MYRIP: variants seen among roughly 807,000 people sequenced by gnomAD.
MYRIP encodes rab effector MyRIP.
Under a neutral mutation model 98.0 loss-of-function variants are expected in MYRIP, and 49 were observed. The observed-to-expected ratio is 0.50, with a 90% CI of 0.40 to 0.63. The LOEUF is 0.63. Among genes scored for constraint, MYRIP ranks in the 30% least tolerant of loss-of-function variants. MYRIP has a pLI of 0.00. For synonymous variants in MYRIP, 404 were observed against 409.5 expected, an observed-to-expected ratio of 0.99 and a Z score of 0.16; for missense variants, 1,004 against 1,058.2, an observed-to-expected ratio of 0.95 and a Z score of 0.71.
intron 1 of MYRIP, among the ~76,000 whole-genome samples, chr3:39,817,671 A>G (rs1372703268): frequency 6.6e-6 from 1 of 152,182 alleles, no homozygotes; most frequent in Non-Finnish European, 1.5e-5. Flanking sequence ...AAGCCTTTGG[A>G]ATCTAGAATG....
chr3:39,830,213 A>C (rs955898456), intron 1 of MYRIP, among the ~76,000 whole-genome samples: 3 of 151,992 alleles, frequency 2.0e-5, no homozygotes, highest in Admixed American at 6.6e-5. Context: ...CACTTCACTT[A>C]TCTCTTTAGG....
At chr3:40,143,622 CT>C (rs1363689938) in intron 3 of MYRIP, among the ~76,000 whole-genome samples, 2 of 152,182 alleles carry the variant, frequency 1.3e-5, no homozygotes, top group African/African-American at 4.8e-5. Flanking sequence ...CACATTACTA[CT>C]TTTTCCTGGC....
intron 11 of MYRIP, among the ~76,000 whole-genome samples, chr3:40,221,929 G>T (rs1020954947): frequency 2.6e-5 from 4 of 152,214 alleles, no homozygotes; most frequent in Admixed American, 1.3e-4. Context: ...GGGAGATGGA[G>T]TTCAGATAAC....
At chr3:39,874,027 TGTA>T (rs1942895167) in intron 1 of MYRIP, among the ~76,000 whole-genome samples, 1 of 150,154 alleles carries the variant, frequency 6.7e-6, no homozygotes, top group South Asian at 2.1e-4. Context: ...AGCAGTGGTT[TGTA>T]GTTCTCCTTG....
At chr3:39,969,448 G>C (rs1404961634) in intron 2 of MYRIP, among the ~76,000 whole-genome samples, 1 of 140,768 alleles carries the variant, frequency 7.1e-6, no homozygotes, top group Non-Finnish European at 1.6e-5. Flanking sequence ...GTATAATGTT[G>C]GCTGTGGGTT....
At chr3:39,986,577 T>G (rs1016185592) in intron 2 of MYRIP, among the ~76,000 whole-genome samples, 6 of 152,136 alleles carry the variant, frequency 3.9e-5, no homozygotes, top group African/African-American at 1.4e-4. Context: ...GGAAGGATAT[T>G]CCACAGTGGA....
intron 1 of MYRIP, among the ~76,000 whole-genome samples, chr3:39,876,133 A>C (rs1195810579): frequency 3.3e-5 from 5 of 152,054 alleles, no homozygotes; most frequent in Non-Finnish European, 7.4e-5. Flanking sequence ...GTTGGTTTAA[A>C]GTCTGTTTTA....
At chr3:40,082,425 T>C (rs575856923) in intron 3 of MYRIP, among the ~76,000 whole-genome samples, 4 of 152,324 alleles carry the variant, frequency 2.6e-5, no homozygotes, top group South Asian at 2.1e-4. Flanking sequence ...CTACATTCAA[T>C]TGATCACATT....
At chr3:40,196,085 A>AG (rs1448978429) in intron 10 of MYRIP, among the ~76,000 whole-genome samples, 2 of 151,698 alleles carry the variant, frequency 1.3e-5, no homozygotes, top group African/African-American at 4.8e-5. Flanking sequence ...TAGTTTATAG[A>AG]TTTTTTTTCT....
intron 3 of MYRIP, among the ~76,000 whole-genome samples, chr3:40,119,678 A>G (rs979431667): frequency 6.6e-6 from 1 of 152,160 alleles, no homozygotes; most frequent in South Asian, 2.1e-4. Flanking sequence ...ACAAAAAACC[A>G]AACACCACAT....
chr3:39,852,726 CCTCTCCTGTTCTCCTCTTCTCTT>C (rs1411901296), intron 1 of MYRIP, among the ~76,000 whole-genome samples: 3 of 151,924 alleles, frequency 2.0e-5, no homozygotes, highest in Non-Finnish European at 4.4e-5. Context: ...TCTCTCCTCT[CCTCTCCTGTTCTCCTCTTCTCTT>C]CTCTTCTGTT....
chr3:40,209,821 G>A (rs1286586978), intron 10 of MYRIP, 33 bp from the exon 11 acceptor site: 1 of 1,612,526 alleles, frequency 6.2e-7, no homozygotes, highest in South Asian at 1.1e-5. Context: ...GTAGCAGAGG[G>A]CTCCTCATCT....
At chr3:39,948,588 A>G (rs1354218811) in intron 2 of MYRIP, among the ~76,000 whole-genome samples, 2 of 152,174 alleles carry the variant, frequency 1.3e-5, no homozygotes, top group Non-Finnish European at 2.9e-5. Context: ...TAAACACTGT[A>G]AGATGAATTT....
chr3:39,857,095 C>T (rs1162254629), intron 1 of MYRIP, among the ~76,000 whole-genome samples: 3 of 151,886 alleles, frequency 2.0e-5, no homozygotes, highest in Non-Finnish European at 2.9e-5. Context: ...TGCCTATAGT[C>T]CCAGCTACTT....
Position 39,821,725 on chromosome 3 carries a change from T to C in MYRIP, c.-31+11809T>C, listed in dbSNP as rs544518729. Among the ~76,000 whole-genome samples, 19 of 152,270 alleles carry C rather than the reference T, an allele frequency of 1.2e-4. No individual in the cohort carries two copies. In the South Asian group the frequency reaches 1.9e-3, roughly 15 times the overall value. Reference sequence around the variant, plus strand: ...AATTTCTTCTTTGACTTATGACTTATATGTTTTTTCCTAGAACTTTTTAAT... The same window carrying C: ...AATTTCTTCTTTGACTTATGACTTACATGTTTTTTCCTAGAACTTTTTAAT... On this transcript the variant is annotated intron_variant, in intron 1 of 16. Transcript: ENST00000302541.
chr3:40,218,613 TATATATATATATATATA>T (rs1952210572), intron 11 of MYRIP, among the ~76,000 whole-genome samples: 1 of 16,248 alleles, frequency 6.2e-5, no homozygotes, highest in Non-Finnish European at 3.9e-4. Context: ...ATATATATTT[TATATATATATATATATA>T]TATATATATA....
Position 40,258,143 on chromosome 3 carries a change from C to G in MYRIP, c.2557C>G (p.Leu853Val), listed in dbSNP as rs781112378. ...CAATGTCTCACCTCAGGAGCCTGCT[C>G]TGGAGTCAGCTGTGATGTACTGACA... ...GTTKDLMEPA[L>V]ESAVMY The change falls in exon 17 of 17, where the codon CTG becomes GTG. Residue 853 changes from leucine (L) to valine (V), a missense_variant. By Grantham distance (32) the Leu-to-Val change is conservative (BLOSUM62 1). Around this residue, in one of 3 missense-constraint regions of MYRIP, gnomAD observed 108 missense variants for 111.1 expected, o/e 0.97. Transcript: ENST00000302541. 5 of 1,613,922 alleles carry G rather than the reference C, an allele frequency of 3.1e-6. No individual in the cohort carries two copies. The highest frequency in any genetic ancestry group is 4.2e-6 in the Non-Finnish European group (5 of 1,179,746).
At chr3:39,952,518 T>C (rs919970227) in intron 2 of MYRIP, among the ~76,000 whole-genome samples, 1 of 152,202 alleles carries the variant, frequency 6.6e-6, no homozygotes, top group African/African-American at 2.4e-5. Flanking sequence ...TTAATCATGG[T>C]GTATAATTTG....
At chr3:39,866,553 C>CTCCA (rs1319413973) in intron 1 of MYRIP, among the ~76,000 whole-genome samples, 1 of 152,062 alleles carries the variant, frequency 6.6e-6, no homozygotes, top group African/African-American at 2.4e-5. Flanking sequence ...TCACCGCAAC[C>CTCCA]TCCACCTCCC....
Sources: allele counts gnomAD v4.1 joint callset (sites outside exome capture counted in the v4.1 genomes callset), GRCh38; gene constraint gnomAD v4.1.1; regional missense constraint gnomAD v4.1.1; transcripts MANE v1.5; gene names NCBI Gene and HGNC (gene_info 2026-07-23, HGNC 2026-07-21).